The following UBAC1 variants were observed in gnomAD, a reference collection of about 807,000 sequenced individuals.
The protein encoded by UBAC1 is ubiquitin-associated domain-containing protein 1.
UBAC1 carries 27 observed loss-of-function variants against 45.9 expected under a neutral mutation model. The ratio of observed to expected loss-of-function variants is 0.59; its 90% confidence interval spans 0.43 to 0.81. The LOEUF (loss-of-function observed/expected upper bound fraction) is 0.81. Among genes scored for constraint, UBAC1 ranks in the 30% least tolerant of loss-of-function variants. The pLI is 0.00. For synonymous variants in UBAC1, 227 were observed against 215.5 expected (o/e 1.05, Z -0.47); for missense variants, 529 against 539.2 (o/e 0.98, Z 0.19).
At chr9:135,944,659 G>A (rs1839305293) in intron 7 of UBAC1, among the ~76,000 whole-genome samples, 1 of 152,222 alleles carries the variant, frequency 6.6e-6, no homozygotes, top group Admixed American at 6.5e-5. Flanking sequence ...TCTGGGCAGG[G>A]CCCCCACCCC....
At chr9:135,946,459 G>A (rs2297690) in intron 4 of UBAC1, 88 bp from the exon 5 acceptor site, 237,269 of 834,656 alleles carry the variant, frequency 0.28, 35,457 homozygotes, top group Non-Finnish European at 0.32. Flanking sequence ...TAGAACTCTT[G>A]ATTCTGAGAG....
intron 3 of UBAC1, 30 bp from the exon 4 acceptor site, chr9:135,947,935 G>T: frequency 1.3e-6 from 2 of 1,597,542 alleles, no homozygotes; most frequent in Non-Finnish European, 1.7e-6. Context: ...GAAAGTCTGA[G>T]GTGAACGTAA....
chr9:135,951,593 G>A (rs1304172989), intron 3 of UBAC1, among the ~76,000 whole-genome samples: 5 of 152,104 alleles, frequency 3.3e-5, no homozygotes, highest in South Asian at 2.1e-4. Context: ...TGGATCACCC[G>A]AGGTCAGGAG....
rs776959045 is a variant in UBAC1, at chr9:135,961,129, T to C, written c.34A>G (p.Lys12Glu). The part of the protein sequence containing the change: ...FVQEEKIFAG[K>E]VLRLHICASD... ...GCGCAGATGTGCAGCCGCAGCACCT[T>C]GCCCGCGAAGATCTTCTCCTCCTGC... Residue 12 changes from lysine to glutamate, a missense_variant, in exon 1 of 10, where the codon AAG becomes GAG. Lys to Glu is a moderately conservative substitution (Grantham distance 56). Transcript: ENST00000371756. 1.3e-6 allele frequency: 2 copies of C among 1,586,314 alleles called. No homozygotes were observed. The highest frequency in any genetic ancestry group is 1.4e-5 in the African/African-American group (1 of 72,310).
intron 5 of UBAC1, 42 bp downstream of exon 5, chr9:135,946,227 C>G (rs1468996604): frequency 7.0e-7 from 1 of 1,421,802 alleles, no homozygotes; most frequent in Non-Finnish European, 9.9e-7. Context: ...CCAAGGCCGG[C>G]AGTGAACCGC....
intron 7 of UBAC1, among the ~76,000 whole-genome samples, chr9:135,942,742 C>G (rs1245951313): frequency 2.6e-5 from 4 of 151,818 alleles, no homozygotes; most frequent in African/African-American, 9.7e-5. Flanking sequence ...AAGGAAGAGA[C>G]AGAAAGCTAG....
In UBAC1 at chr9:135,959,536, C is replaced by T. The variant is rs1839507545; in HGVS notation, c.138+1489G>A. 2.0e-5 allele frequency among the ~76,000 whole-genome samples: 3 copies of T among 151,948 alleles called. No homozygotes were observed. In the South Asian group the frequency reaches 6.2e-4, roughly 32 times the overall value. On this transcript the variant is annotated intron_variant, in intron 1 of 9. Transcript: ENST00000371756. Reference sequence around the variant, plus strand: ...ATTACAGGCACACACCACCACGCCCCGCTAATTTTTTGTATTTTAGTTGAG... The same window carrying T: ...ATTACAGGCACACACCACCACGCCCTGCTAATTTTTTGTATTTTAGTTGAG...
chr9:135,935,542 G>A (rs4351484), intron 9 of UBAC1, among the ~76,000 whole-genome samples: 35,691 of 152,060 alleles, frequency 0.23, 4,284 homozygotes, highest in Non-Finnish European at 0.28. Flanking sequence ...CTACCCATGA[G>A]GATGACTTGA....
At chr9:135,945,291 G>A (rs760433738) in intron 6 of UBAC1, 41 bp from the exon 7 acceptor site, 11 of 1,496,636 alleles carry the variant, frequency 7.3e-6, no homozygotes, top group African/African-American at 2.8e-5. Context: ...CCAGACTAAC[G>A]GACCAGGGCC....
intron 3 of UBAC1, among the ~76,000 whole-genome samples, chr9:135,948,240 G>A (rs1272981263): frequency 6.6e-6 from 1 of 152,258 alleles, no homozygotes; most frequent in Non-Finnish European, 1.5e-5. Flanking sequence ...GGCTGCAGCT[G>A]AGCCCCGAGG....
intron 1 of UBAC1, among the ~76,000 whole-genome samples, chr9:135,955,677 G>C (rs567612608): frequency 6.6e-6 from 1 of 152,286 alleles, no homozygotes; most frequent in African/African-American, 2.4e-5. Context: ...CTGACAATTC[G>C]CGGCCACCAG....
intron 3 of UBAC1, 55 bp from the exon 4 acceptor site, chr9:135,947,960 C>T (rs1052176507): frequency 1.3e-5 from 20 of 1,513,812 alleles, no homozygotes; most frequent in Admixed American, 3.8e-5. Context: ...AGCAAAAAGA[C>T]GATGACAACT....
intron 1 of UBAC1, among the ~76,000 whole-genome samples, chr9:135,956,513 G>A (rs1271049007): frequency 6.6e-6 from 1 of 152,116 alleles, no homozygotes; most frequent in Non-Finnish European, 1.5e-5. Context: ...GCATGTTCGT[G>A]CCCAAGTCGG....
Position 135,953,616 on chromosome 9 carries a change from C to G in UBAC1, c.333+64G>C, listed in dbSNP as rs942108953. The G allele has an allele frequency of 4.7e-6, 7 of 1,476,018 alleles. No homozygotes were observed. In the South Asian group the frequency reaches 8.1e-5, roughly 17 times the overall value. 91.4% of individuals were successfully genotyped at this position (1,476,018 alleles called of 1,614,324 possible). ...TACAGGCGCGAGCCACTGTACCCAG[C>G]CTGTAATTCTTAAATGTAGACTTCT... On this transcript the variant is annotated intron_variant, in intron 3 of 9. Transcript: ENST00000371756.
intron 3 of UBAC1, among the ~76,000 whole-genome samples, chr9:135,950,884 G>A (rs1044546658): frequency 2.0e-5 from 3 of 152,216 alleles, no homozygotes; most frequent in Admixed American, 2.0e-4. Flanking sequence ...CCTGAGCCCA[G>A]GAGTTCAAGA....
At chr9:135,938,177 C>A in intron 9 of UBAC1, 45 bp downstream of exon 9, 2 of 1,600,386 alleles carry the variant, frequency 1.2e-6, no homozygotes, top group South Asian at 1.1e-5. Flanking sequence ...AGGGAACCAG[C>A]CAGCCTCCCC....
chr9:135,939,785 C>A, intron 7 of UBAC1, 26 bp from the exon 8 acceptor site: 1 of 1,600,490 alleles, frequency 6.2e-7, no homozygotes, highest in South Asian at 1.1e-5. Flanking sequence ...GCCGTTAGCT[C>A]GCTGGGGGCG....
In UBAC1 at chr9:135,936,017, T is replaced by G. The variant is rs569230172; in HGVS notation, c.1102+2205A>C. The stretch of plus-strand genomic sequence containing the variant: ...CTCCAGCCTGGGTGACAGAGCGAGA[T>G]TCCATCTCAAAAAAAAAAAAAAAAA... On this transcript the variant is annotated intron_variant, in intron 9 of 9. Transcript: ENST00000371756. Among the ~76,000 whole-genome samples, 23 of 144,070 alleles carry G rather than the reference T, an allele frequency of 1.6e-4. No homozygotes were observed. In the South Asian group the frequency reaches 2.9e-3, roughly 18 times the overall value. 94.5% of individuals were successfully genotyped at this position (144,070 alleles called of 152,430 possible).
chr9:135,957,260 C>T (rs998251638), intron 1 of UBAC1, among the ~76,000 whole-genome samples: 3 of 152,136 alleles, frequency 2.0e-5, no homozygotes, highest in East Asian at 3.8e-4. Flanking sequence ...TAGGAAGACA[C>T]ACTCCTGCCA....
Sources: gnomAD v4.1 joint callset for allele counts (sites outside exome capture counted in the v4.1 genomes callset) on GRCh38, gnomAD v4.1.1 for gene constraint, MANE v1.5 for transcripts, NCBI Gene and HGNC (gene_info 2026-07-23, HGNC 2026-07-21) for gene names.